The following GRID2 variants were observed in gnomAD, a reference collection of about 807,000 sequenced individuals.
The protein encoded by GRID2 is glutamate ionotropic receptor delta type subunit 2.
GRID2 carries 33 observed loss-of-function variants against 114.8 expected under a neutral mutation model. The observed-to-expected ratio is 0.29, with a 90% CI of 0.22 to 0.38. The LOEUF (loss-of-function observed/expected upper bound fraction) is 0.38. Ranked by LOEUF, GRID2 falls within the 10% of genes least tolerant of loss-of-function variation. The pLI is 1.00. For missense variants in GRID2, 1,184 were observed against 1,257.7 expected, an observed-to-expected ratio of 0.94 and a Z score of 0.89; for synonymous variants, 505 against 449.9, an observed-to-expected ratio of 1.12 and a Z score of -1.55.
At chr4:92,841,794 A>AT (rs564690779) in intron 2 of GRID2, among the ~76,000 whole-genome samples, 99 of 150,368 alleles carry the variant, frequency 6.6e-4, no homozygotes, top group Middle Eastern at 3.4e-3. Flanking sequence ...TTATAGCTTA[A>AT]TTTTTTTTTT....
At chr4:92,659,326 A>G (rs1732408229) in intron 2 of GRID2, among the ~76,000 whole-genome samples, 1 of 151,554 alleles carries the variant, frequency 6.6e-6, no homozygotes, top group Admixed American at 6.6e-5. Flanking sequence ...AAGGAGAGGA[A>G]TTAGAGAAGG....
intron 13 of GRID2, among the ~76,000 whole-genome samples, chr4:93,558,163 A>G (rs1036035081): frequency 6.6e-6 from 1 of 152,086 alleles, no homozygotes; most frequent in African/African-American, 2.4e-5. Flanking sequence ...CGCCCTAACA[A>G]TGAAATTAAA....
intron 13 of GRID2, among the ~76,000 whole-genome samples, chr4:93,592,116 T>A (rs147781426): frequency 0.035 from 5,338 of 152,276 alleles, 103 homozygotes; most frequent in African/African-American, 0.051. Context: ...ATTTGTTTCC[T>A]CTTGCTTTTC....
chr4:92,779,536 A>C (rs1738971533), intron 2 of GRID2, among the ~76,000 whole-genome samples: 1 of 152,084 alleles, frequency 6.6e-6, no homozygotes, highest in South Asian at 2.1e-4. Flanking sequence ...CTAAATTTAC[A>C]AAAGCATCAG....
intron 8 of GRID2, among the ~76,000 whole-genome samples, chr4:93,271,177 A>G (rs10440374): frequency 0.71 from 108,526 of 152,022 alleles, 39,617 homozygotes; most frequent in African/African-American, 0.86. Context: ...ATTCTGAAGC[A>G]CGTAGACATA....
chr4:93,017,138 A>G (rs1722825209), intron 2 of GRID2, among the ~76,000 whole-genome samples: 1 of 152,186 alleles, frequency 6.6e-6, no homozygotes, highest in Admixed American at 6.5e-5. Flanking sequence ...TTCAAAGGTA[A>G]TATTTTGTTT....
intron 1 of GRID2, among the ~76,000 whole-genome samples, chr4:92,457,333 A>G (rs1419212674): frequency 6.6e-6 from 1 of 152,072 alleles, no homozygotes; most frequent in East Asian, 1.9e-4. Flanking sequence ...CCATTGAATT[A>G]TTTATGTTTA....
intron 2 of GRID2, among the ~76,000 whole-genome samples, chr4:92,746,917 A>G (rs1219901950): frequency 4.6e-5 from 7 of 152,072 alleles, no homozygotes; most frequent in Non-Finnish European, 1.0e-4. Flanking sequence ...ATCTTCACCA[A>G]TTAGGTAAGT....
intron 1 of GRID2, among the ~76,000 whole-genome samples, chr4:92,336,706 A>G (rs1349095758): frequency 2.0e-5 from 3 of 152,210 alleles, no homozygotes; most frequent in Non-Finnish European, 4.4e-5. Context: ...AACGTTTTAC[A>G]TGACTTATAA....
At chr4:92,757,583 A>G (rs1489993131) in intron 2 of GRID2, among the ~76,000 whole-genome samples, 2 of 152,108 alleles carry the variant, frequency 1.3e-5, no homozygotes, top group Non-Finnish European at 1.5e-5. Flanking sequence ...TCATCCACAT[A>G]CAGATTATGT....
chr4:93,738,922 G>A (rs1034037079), intron 14 of GRID2, among the ~76,000 whole-genome samples: 5 of 152,148 alleles, frequency 3.3e-5, no homozygotes, highest in African/African-American at 1.2e-4. Context: ...GAAGAGGAAT[G>A]TGATAGGAAG....
intron 1 of GRID2, among the ~76,000 whole-genome samples, chr4:92,443,016 G>T (rs9760734): frequency 0.05 from 7,637 of 151,690 alleles, 221 homozygotes; most frequent in African/African-American, 0.085. Context: ...GCGAGGAGCA[G>T]CCTGGGGAGG....
At chr4:93,159,095 C>T (rs1331824358) in intron 4 of GRID2, among the ~76,000 whole-genome samples, 1 of 151,010 alleles carries the variant, frequency 6.6e-6, no homozygotes, top group Admixed American at 6.6e-5. Flanking sequence ...GAGTCCATGT[C>T]CCCATAAAAT....
chr4:93,073,244 G>A, intron 2 of GRID2, among the ~76,000 whole-genome samples: 1 of 152,186 alleles, frequency 6.6e-6, no homozygotes, highest in Non-Finnish European at 1.5e-5. Flanking sequence ...ATTGCTTGAT[G>A]TGTACCGTGG....
intron 11 of GRID2, among the ~76,000 whole-genome samples, chr4:93,467,123 G>T (rs868734597): frequency 7.9e-5 from 12 of 152,234 alleles, no homozygotes; most frequent in Middle Eastern, 6.8e-3. Context: ...TTGTTTCTTT[G>T]ATCTGAGAAA....
chr4:92,658,052 G>A (rs1474478102), intron 2 of GRID2, among the ~76,000 whole-genome samples: 1 of 151,672 alleles, frequency 6.6e-6, no homozygotes, highest in African/African-American at 2.4e-5. Flanking sequence ...ATTATTTACT[G>A]TTCTCCACTT....
intron 2 of GRID2, among the ~76,000 whole-genome samples, chr4:93,011,428 G>A (rs1481032038): frequency 6.6e-6 from 1 of 152,014 alleles, no homozygotes; most frequent in Admixed American, 6.6e-5. Flanking sequence ...CCCCAGAGGT[G>A]TTGTGTGGGA....
intron 2 of GRID2, among the ~76,000 whole-genome samples, chr4:92,688,375 C>G (rs138650783): frequency 6.6e-6 from 1 of 152,160 alleles, no homozygotes; most frequent in South Asian, 2.1e-4. Flanking sequence ...AAAGATTTCT[C>G]TGTAGCGTAT....
At chr4:92,701,760 A>G (rs1413834524) in intron 2 of GRID2, among the ~76,000 whole-genome samples, 1 of 152,154 alleles carries the variant, frequency 6.6e-6, no homozygotes, top group Non-Finnish European at 1.5e-5. Flanking sequence ...GACTTTTGGC[A>G]TATGATTTCT....
Sources: allele counts gnomAD v4.1 joint callset (sites outside exome capture counted in the v4.1 genomes callset), GRCh38; gene constraint gnomAD v4.1.1; transcripts MANE v1.5; gene names NCBI Gene and HGNC (gene_info 2026-07-23, HGNC 2026-07-21).